The following TBL1XR1 variants were observed in gnomAD, a reference collection of about 807,000 sequenced individuals.
TBL1XR1 encodes F-box-like/WD repeat-containing protein TBL1XR1.
TBL1XR1 carries 5 observed loss-of-function variants against 66.9 expected under a neutral mutation model. That is an observed-to-expected ratio of 0.07 (90% confidence interval 0.04 to 0.16). TBL1XR1 has a LOEUF of 0.16. TBL1XR1 is among the 10% of genes least tolerant of loss of function. TBL1XR1 has a pLI of 1.00. For missense variants in TBL1XR1, 238 were observed against 623.2 expected, an observed-to-expected ratio of 0.38 and a Z score of 6.58; for synonymous variants, 210 against 206.0, an observed-to-expected ratio of 1.02 and a Z score of -0.17.
intron 3 of TBL1XR1, among the ~76,000 whole-genome samples, chr3:177,061,002 A>C (rs1326758419): frequency 1.3e-5 from 2 of 152,264 alleles, no homozygotes; most frequent in Non-Finnish European, 2.9e-5. Flanking sequence ...AGGGAAGTCC[A>C]CTTCATAAAA....
rs537969985 is a variant in TBL1XR1, at chr3:177,056,492, C to T, written c.59-2574G>A. The stretch of plus-strand genomic sequence containing the variant: ...AGGATGCTCTCAAATAGCAATGAAA[C>T]ATCCCTGAAGTAGTCATTAGCATTG... On this transcript the variant is annotated intron_variant, in intron 3 of 15. Coordinates refer to ENST00000457928, the MANE Select transcript of TBL1XR1 (RefSeq NM_024665.7). Among the ~76,000 whole-genome samples, 3 of 152,294 alleles carry T rather than the reference C, an allele frequency of 2.0e-5. No homozygotes were observed. The East Asian group carries it at 5.8e-4, about 29-fold the overall frequency.
At chr3:177,176,533 C>A (rs1734174672) in intron 1 of TBL1XR1, among the ~76,000 whole-genome samples, 1 of 150,328 alleles carries the variant, frequency 6.7e-6, no homozygotes, top group Non-Finnish European at 1.5e-5. Flanking sequence ...TTGATTATGG[C>A]TGGGCAAGCT....
At chr3:177,030,093 G>GGTGTGTGTGTGTATGT (rs1026053401) in intron 14 of TBL1XR1, among the ~76,000 whole-genome samples, 1 of 151,056 alleles carries the variant, frequency 6.6e-6, no homozygotes, top group Non-Finnish European at 1.5e-5. Flanking sequence ...GCTATGCACA[G>GGTGTGTGTGTGTATGT]GTGTGTGTGT....
chr3:177,051,765 C>A, intron 4 of TBL1XR1, 39 bp from the exon 5 acceptor site: 3 of 1,474,142 alleles, frequency 2.0e-6, no homozygotes, highest in South Asian at 2.7e-5. Flanking sequence ...AAATCAAAGG[C>A]AATATTTAAA....
chr3:177,121,353 T>C (rs1423369542), intron 1 of TBL1XR1, among the ~76,000 whole-genome samples: 1 of 152,230 alleles, frequency 6.6e-6, no homozygotes, highest in Non-Finnish European at 1.5e-5. Context: ...TCTTTTATTA[T>C]TTTCAAATTT....
intron 2 of TBL1XR1, among the ~76,000 whole-genome samples, chr3:177,086,614 A>AT (rs563635866): frequency 1.8e-4 from 28 of 151,670 alleles, no homozygotes; most frequent in South Asian, 1.0e-3. Context: ...AGAGCCCACA[A>AT]TTTTTTTTTA....
intron 10 of TBL1XR1, among the ~76,000 whole-genome samples, chr3:177,044,045 C>T (rs1410433653): frequency 1.3e-5 from 2 of 152,138 alleles, no homozygotes; most frequent in Admixed American, 1.3e-4. Flanking sequence ...TGTCACCACA[C>T]CCTCTTTTCC....
intron 3 of TBL1XR1, among the ~76,000 whole-genome samples, chr3:177,061,247 GA>G (rs1718479394): frequency 6.6e-6 from 1 of 152,130 alleles, no homozygotes; most frequent in Non-Finnish European, 1.5e-5. Flanking sequence ...TTATAGGTGA[GA>G]AAAATGAATC....
At position 177,101,601 on chromosome 3, in the gene TBL1XR1, T is replaced by C. The variant is rs145987459; in HGVS notation, c.-121-3060A>G. On this transcript the variant is annotated intron_variant, in intron 1 of 15. Coordinates refer to ENST00000457928, the MANE Select transcript of TBL1XR1 (RefSeq NM_024665.7). ...GACTCGCTCTTGCCTTCTTGCCATGTGATGCCCTCCAACATGTTATAAAGC... is the reference window on the plus strand; with the variant it reads ...GACTCGCTCTTGCCTTCTTGCCATGCGATGCCCTCCAACATGTTATAAAGC... Among the ~76,000 whole-genome samples the C allele has an allele frequency of 5.7e-4, 87 of 152,332 alleles. 1 individual carries two copies. The highest frequency in any genetic ancestry group is 1.9e-3 in the African/African-American group (81 of 41,580).
At chr3:177,183,309 A>G (rs1735042031) in intron 1 of TBL1XR1, among the ~76,000 whole-genome samples, 3 of 152,190 alleles carry the variant, frequency 2.0e-5, no homozygotes, top group Admixed American at 2.0e-4. Flanking sequence ...AGTACAGAAA[A>G]TGTGTGTGCA....
At chr3:177,055,703 T>A (rs1717720787) in intron 3 of TBL1XR1, among the ~76,000 whole-genome samples, 3 of 152,002 alleles carry the variant, frequency 2.0e-5, no homozygotes, top group Admixed American at 2.0e-4. Context: ...ATGAGAGACA[T>A]AGCAGTAAAA....
At chr3:177,136,687 G>A (rs533826001) in intron 1 of TBL1XR1, among the ~76,000 whole-genome samples, 12 of 152,250 alleles carry the variant, frequency 7.9e-5, no homozygotes, top group African/African-American at 1.4e-4. Flanking sequence ...TTTAAAAGGC[G>A]TCACATGAAA....
At chr3:177,034,151 T>C in intron 13 of TBL1XR1, 47 bp downstream of exon 13, 1 of 1,551,548 alleles carries the variant, frequency 6.4e-7, no homozygotes. Context: ...ATTGGAAGTC[T>C]GATTTGTAGA....
intron 1 of TBL1XR1, among the ~76,000 whole-genome samples, chr3:177,187,441 ATC>A (rs1216839332): frequency 6.6e-6 from 1 of 151,882 alleles, no homozygotes; most frequent in East Asian, 1.9e-4. Flanking sequence ...GAATTGAAGT[ATC>A]GAGTATACTC....
rs1712933823 is a variant in TBL1XR1 at position 177,025,168 on chromosome 3, T to C, written c.*330A>G. 1.1e-5 allele frequency: 3 copies of C among 269,428 alleles called. No homozygotes were observed. Among genetic ancestry groups the C allele is most frequent in the Non-Finnish European group, 2.1e-5 (3 of 144,520 alleles). 16.7% of individuals were successfully genotyped at this position (269,428 alleles called of 1,614,324 possible). Reference sequence around the variant, plus strand: ...GGGGAGAAACAAGGCTGTCATTTAGTATCCAAAAACTGGTACATGTATGTT... The same window carrying C: ...GGGGAGAAACAAGGCTGTCATTTAGCATCCAAAAACTGGTACATGTATGTT... On this transcript the variant is annotated 3_prime_UTR_variant, in exon 16 of 16. Coordinates refer to ENST00000457928, the MANE Select transcript of TBL1XR1 (RefSeq NM_024665.7).
At chr3:177,152,564 C>T (rs927143673) in intron 1 of TBL1XR1, among the ~76,000 whole-genome samples, 5 of 152,160 alleles carry the variant, frequency 3.3e-5, no homozygotes, top group South Asian at 2.1e-4. Flanking sequence ...GGATTACAGG[C>T]GTGAGCGTGA....
intron 1 of TBL1XR1, among the ~76,000 whole-genome samples, chr3:177,178,145 G>A (rs538660874): frequency 1.3e-5 from 2 of 152,180 alleles, no homozygotes; most frequent in Admixed American, 6.5e-5. Flanking sequence ...GGCTGGGCAC[G>A]GTGAACAAGG....
At chr3:177,130,060 G>A (rs1023963998) in intron 1 of TBL1XR1, among the ~76,000 whole-genome samples, 15 of 148,082 alleles carry the variant, frequency 1.0e-4, no homozygotes, top group Admixed American at 4.8e-4. Flanking sequence ...CTGGAGAATC[G>A]CTTGAACCCA....
chr3:177,046,149 T>C lies in TBL1XR1; in HGVS notation c.905A>G (p.Gln302Arg). The change falls in exon 10 of 16, where the codon CAA becomes CGA. Residue 302 changes from glutamine (Q) to arginine (R), a missense_variant. Gln to Arg is a conservative substitution (Grantham distance 43). Around this residue, in one of 8 missense-constraint regions of TBL1XR1, gnomAD observed 89 missense variants for 220.2 expected, o/e 0.40. Coordinates refer to ENST00000457928, the MANE Select transcript of TBL1XR1 (RefSeq NM_024665.7). ...TTTACCTGAATGAAAAGGAAACTGT[T>C]GCTTGGCTTCACCAGTATGTGCGTC... ...IWDAHTGEAK[Q>R]QFPFHSAPAL... 6.5e-7 allele frequency: 1 copy of C among 1,541,016 alleles called. No individual in the cohort carries two copies. Among genetic ancestry groups the C allele is most frequent in the Non-Finnish European group, 8.7e-7 (1 of 1,144,456 alleles).
Sources: gnomAD v4.1 joint callset for allele counts (sites outside exome capture counted in the v4.1 genomes callset) on GRCh38, gnomAD v4.1.1 for gene constraint, gnomAD v4.1.1 regional missense constraint, MANE v1.5 for transcripts, NCBI Gene and HGNC (gene_info 2026-07-23, HGNC 2026-07-21) for gene names.